KIAA0825: variants seen among roughly 807,000 people sequenced by gnomAD.
KIAA0825 encodes the protein KIAA0825.
A neutral mutation model predicts 147.6 loss-of-function variants in KIAA0825; 119 were observed. The observed-to-expected ratio is 0.81, with a 90% CI of 0.69 to 0.94. The LOEUF (loss-of-function observed/expected upper bound fraction) is 0.94, where lower values mean the gene tolerates loss of function less well. KIAA0825 is among the 40% of genes least tolerant of loss of function. KIAA0825 has a pLI of 0.00. For missense variants in KIAA0825, 1,381 were observed against 1,472.7 expected, an observed-to-expected ratio of 0.94 and a Z score of 1.02; for synonymous variants, 470 against 518.1, an observed-to-expected ratio of 0.91 and a Z score of 1.26.
intron 20 of KIAA0825, among the ~76,000 whole-genome samples, chr5:94,167,482 C>T (rs1418346974): frequency 6.6e-6 from 1 of 152,034 alleles, no homozygotes; most frequent in Non-Finnish European, 1.5e-5. Context: ...TCAGTAGCAG[C>T]TTTTGGGAAT....
At chr5:94,560,712 C>T (rs996371226) in intron 2 of KIAA0825, among the ~76,000 whole-genome samples, 2 of 152,148 alleles carry the variant, frequency 1.3e-5, no homozygotes, top group African/African-American at 4.8e-5. Flanking sequence ...TCACCAAATG[C>T]TCTCAAAGAT....
chr5:94,252,588 T>C (rs1302380007), intron 20 of KIAA0825, among the ~76,000 whole-genome samples: 1 of 151,980 alleles, frequency 6.6e-6, no homozygotes, highest in Non-Finnish European at 1.5e-5. Flanking sequence ...TTAGCATTAG[T>C]TCATCAGCAA....
chr5:94,187,205 G>A (rs1338165252), intron 20 of KIAA0825, among the ~76,000 whole-genome samples: 1 of 152,004 alleles, frequency 6.6e-6, no homozygotes, highest in South Asian at 2.1e-4. Flanking sequence ...GAGTTGTTGA[G>A]TAGGAAGAAG....
At chr5:94,552,781 C>A (rs1775782582) in intron 2 of KIAA0825, among the ~76,000 whole-genome samples, 1 of 152,128 alleles carries the variant, frequency 6.6e-6, no homozygotes, top group African/African-American at 2.4e-5. Flanking sequence ...AAGTTAAACA[C>A]CGCATGCTAA....
intron 1 of KIAA0825, among the ~76,000 whole-genome samples, chr5:94,604,516 A>T (rs926595276): frequency 6.6e-6 from 1 of 152,122 alleles, no homozygotes; most frequent in African/African-American, 2.4e-5. Context: ...CTGAGATTGC[A>T]CCACTGCACT....
rs926535068 is a variant in KIAA0825, at chr5:94,582,461, T to C, written c.-30A>G. 3.9e-5 allele frequency: 6 copies of C among 152,230 alleles called. No individual in the cohort carries two copies. The highest frequency in any genetic ancestry group is 1.2e-4 in the African/African-American group (5 of 41,462). The allele number at this position is 152,230 out of a possible 1,614,324, so 9.4% of individuals were successfully genotyped here. On this transcript the variant is annotated 5_prime_UTR_variant, in exon 2 of 21. Coordinates refer to ENST00000682413, the MANE Select transcript of KIAA0825 (RefSeq NM_001145678.3). ...ATTTTATTTCAGAAGACACTAAGAA[T>C]GAACTGGTCTTCGAATCCTAAGGAG... is the stretch of plus-strand genomic sequence containing the variant.
At chr5:94,573,678 G>A (rs1394457348) in intron 2 of KIAA0825, among the ~76,000 whole-genome samples, 1 of 152,202 alleles carries the variant, frequency 6.6e-6, no homozygotes, top group African/African-American at 2.4e-5. Context: ...CTTCAGGATT[G>A]GGAGGGCCTG....
intron 3 of KIAA0825, among the ~76,000 whole-genome samples, chr5:94,532,598 G>C (rs545203645): frequency 6.7e-6 from 1 of 149,830 alleles, no homozygotes; most frequent in African/African-American, 2.5e-5. Context: ...GAGTACAATA[G>C]CGTGTGCAGC....
intron 20 of KIAA0825, among the ~76,000 whole-genome samples, chr5:94,375,294 G>C (rs889695798): frequency 2.6e-5 from 4 of 151,942 alleles, no homozygotes; most frequent in Admixed American, 2.6e-4. Context: ...GCCTCCCAAA[G>C]CTCTGGGATT....
At chr5:94,308,419 C>A (rs1417649532) in intron 20 of KIAA0825, among the ~76,000 whole-genome samples, 2 of 151,786 alleles carry the variant, frequency 1.3e-5, no homozygotes, top group Non-Finnish European at 3.0e-5. Context: ...GATCAAGCAG[C>A]CACTCAGTTA....
intron 20 of KIAA0825, among the ~76,000 whole-genome samples, chr5:94,198,343 A>G (rs955139273): frequency 2.6e-5 from 4 of 152,184 alleles, no homozygotes; most frequent in Non-Finnish European, 5.9e-5. Flanking sequence ...ATCAGTTCTA[A>G]GAGCCTTTGG....
chr5:94,492,561 T>A (rs1763858722), intron 5 of KIAA0825, among the ~76,000 whole-genome samples: 2 of 152,182 alleles, frequency 1.3e-5, no homozygotes, highest in Admixed American at 6.5e-5. Flanking sequence ...GAGATCTTTT[T>A]CCCCCATGAC....
At chr5:94,485,630 AAGAG>A (rs146032759) in intron 5 of KIAA0825, among the ~76,000 whole-genome samples, 4,389 of 151,122 alleles carry the variant, frequency 0.029, 86 homozygotes, top group East Asian at 0.067. Context: ...TTTGCAAAGA[AAGAG>A]AGAGAGAGAG....
intron 1 of KIAA0825, among the ~76,000 whole-genome samples, chr5:94,613,015 T>C (rs1314848605): frequency 6.6e-6 from 1 of 152,250 alleles, no homozygotes; most frequent in Non-Finnish European, 1.5e-5. Context: ...TTCAAGGCTA[T>C]CATTATATGT....
chr5:94,561,693 T>C (rs1346326652), intron 2 of KIAA0825, among the ~76,000 whole-genome samples: 1 of 152,222 alleles, frequency 6.6e-6, no homozygotes, highest in African/African-American at 2.4e-5. Context: ...ATAGAAAAAC[T>C]CATCTTGTTT....
chr5:94,394,622 A>G (rs1750385326), intron 17 of KIAA0825, among the ~76,000 whole-genome samples: 1 of 152,190 alleles, frequency 6.6e-6, no homozygotes, highest in Non-Finnish European at 1.5e-5. Context: ...CTTATTTGAT[A>G]TAGGGGCTAC....
chr5:94,383,787 C>CTG (rs6149118), intron 20 of KIAA0825, among the ~76,000 whole-genome samples: 19,911 of 145,322 alleles, frequency 0.14, 1,445 homozygotes, highest in Admixed American at 0.21. Context: ...TTATACTGCT[C>CTG]TGTGTGTGTG....
intron 20 of KIAA0825, among the ~76,000 whole-genome samples, chr5:94,204,930 A>G (rs776035154): frequency 1.6e-4 from 24 of 152,144 alleles, no homozygotes; most frequent in Non-Finnish European, 3.2e-4. Context: ...CTTTAATACC[A>G]CATAGATAAT....
rs556197441 is a variant in KIAA0825, at chr5:94,273,704, A to C, written c.3710+110664T>G. On this transcript the variant is annotated intron_variant, in intron 20 of 20. Transcript: ENST00000682413. ...TTGGGGTTTAAATCTCTGCCTCCTC[A>C]TCTTTCTTATGTTGAAAATGGGGAT... is the stretch of plus-strand genomic sequence containing the variant. 1.1e-4 allele frequency among the ~76,000 whole-genome samples: 17 copies of C among 152,208 alleles called. No individual in the cohort carries two copies. The South Asian group carries it at 3.5e-3, about 32-fold the overall frequency.
Sources: allele counts gnomAD v4.1 joint callset (sites outside exome capture counted in the v4.1 genomes callset), GRCh38; gene constraint gnomAD v4.1.1; transcripts MANE v1.5; gene names NCBI Gene and HGNC (gene_info 2026-07-23, HGNC 2026-07-21).